The following RSF1 variants were observed in gnomAD, a reference collection of about 807,000 sequenced individuals.
The protein encoded by RSF1 is remodeling and spacing factor 1, also known as HBV pX-associated protein 8.
In RSF1, 13 loss-of-function variants were observed where a neutral mutation model predicts 145.2. The observed-to-expected ratio is 0.09, with a 90% CI of 0.06 to 0.14. RSF1 has a LOEUF of 0.14. RSF1 is among the 10% of genes least tolerant of loss of function. RSF1 has a pLI of 1.00. For synonymous variants in RSF1, 577 were observed against 592.6 expected (o/e 0.97, Z 0.38); for missense variants, 1,517 against 1,718.2 (o/e 0.88, Z 2.07).
intron 1 of RSF1, among the ~76,000 whole-genome samples, chr11:77,794,935 T>C (rs1012846540): frequency 3.3e-5 from 5 of 152,192 alleles, no homozygotes; most frequent in Non-Finnish European, 5.9e-5. Context: ...GCAGATGATA[T>C]GACCCTGTAA....
chr11:77,780,369 T>C (rs979801679), intron 1 of RSF1, among the ~76,000 whole-genome samples: 1 of 152,140 alleles, frequency 6.6e-6, no homozygotes, highest in Non-Finnish European at 1.5e-5. Context: ...AAATAAAATA[T>C]CTGTCTTCAG....
intron 2 of RSF1, chr11:77,761,932 T>G (rs1180497724): frequency 6.7e-6 from 1 of 150,106 alleles, no homozygotes; most frequent in Admixed American, 6.7e-5. Context: ...CTCAGCTAGC[T>G]GAAGCAATAC....
the RSF1 span, among the ~76,000 whole-genome samples, chr11:77,852,741 A>T: frequency 0.75 from 114,149 of 152,108 alleles, 43,644 homozygotes; most frequent in African/African-American, 0.9. Flanking sequence ...CAAATACAAA[A>T]ATACATATAT....
At chr11:77,686,563 T>C (rs1366061818) in intron 9 of RSF1, among the ~76,000 whole-genome samples, 1 of 152,152 alleles carries the variant, frequency 6.6e-6, no homozygotes, top group Admixed American at 6.5e-5. Flanking sequence ...ATGTTCCTTA[T>C]ATAAGGATAT....
chr11:77,844,183 T>C, the RSF1 span, among the ~76,000 whole-genome samples: 2 of 152,216 alleles, frequency 1.3e-5, no homozygotes, highest in African/African-American at 4.8e-5. Context: ...AGCTAGCTTT[T>C]GGGCTTCTTA....
chr11:77,665,660 G>T lies in RSF1; in HGVS notation c.*1257C>A, dbSNP rs1414792109. On this transcript the variant is annotated 3_prime_UTR_variant, in exon 16 of 16. Coordinates refer to ENST00000308488, the MANE Select transcript of RSF1 (RefSeq NM_016578.4). ...GTTCTCATTCAACTCTATGTTGGTT[G>T]TATGACTATTAATGAATTTTAATAG... is the stretch of plus-strand genomic sequence containing the variant. 6.6e-6 allele frequency: 1 copy of T among 152,108 alleles called. No homozygotes were observed. Among genetic ancestry groups the T allele is most frequent in the Non-Finnish European group, 1.5e-5 (1 of 68,018 alleles). The allele number at this position is 152,108 out of a possible 1,614,324, so 9.4% of individuals were successfully genotyped here.
intron 14 of RSF1, among the ~76,000 whole-genome samples, chr11:77,674,685 C>CT (rs1374878941): frequency 1.3e-5 from 2 of 152,218 alleles, no homozygotes; most frequent in African/African-American, 4.8e-5. Context: ...TTTAAGAACT[C>CT]TTAACTCCAG....
chr11:77,705,358 G>A (rs1290430636), intron 5 of RSF1, among the ~76,000 whole-genome samples: 1 of 152,216 alleles, frequency 6.6e-6, no homozygotes, highest in Non-Finnish European at 1.5e-5. Flanking sequence ...TGACTCAAGA[G>A]AAGTGGTAGC....
chr11:77,827,634 T>C, the RSF1 span, among the ~76,000 whole-genome samples: 1 of 152,216 alleles, frequency 6.6e-6, no homozygotes, highest in Non-Finnish European at 1.5e-5. Flanking sequence ...TTCAGCCTGA[T>C]TAAGAGCATT....
At chr11:77,733,242 C>T (rs1014197132) in intron 4 of RSF1, among the ~76,000 whole-genome samples, 1 of 152,054 alleles carries the variant, frequency 6.6e-6, no homozygotes, top group Non-Finnish European at 1.5e-5. Flanking sequence ...AAGCCATTTT[C>T]GTTTTACTAA....
intron 1 of RSF1, among the ~76,000 whole-genome samples, chr11:77,791,936 C>T (rs911461843): frequency 6.6e-5 from 10 of 152,204 alleles, no homozygotes; most frequent in Non-Finnish European, 8.8e-5. Context: ...GTTCCAAAGT[C>T]GTTTCCACAT....
intron 10 of RSF1, among the ~76,000 whole-genome samples, chr11:77,684,632 G>C (rs1485432668): frequency 6.6e-6 from 1 of 152,118 alleles, no homozygotes; most frequent in East Asian, 1.9e-4. Context: ...TCAATCATGA[G>C]GGATTATGGG....
upstream of RSF1, among the ~76,000 whole-genome samples, chr11:77,825,257 C>T (rs1432423074): frequency 6.6e-6 from 1 of 151,952 alleles, no homozygotes; most frequent in Non-Finnish European, 1.5e-5. Flanking sequence ...GCTGGGATTA[C>T]AGGCATGAGC....
the RSF1 span, among the ~76,000 whole-genome samples, chr11:77,848,577 C>T: frequency 4.6e-5 from 7 of 152,156 alleles, no homozygotes; most frequent in African/African-American, 1.7e-4. Context: ...CCAGGTTGGT[C>T]TCGAACGCCT....
rs138237792 is a variant in RSF1, at chr11:77,667,361, T to C, written c.3882A>G (p.Lys1294=). ...ADEEEEEEEG[K]PSRKRLHRIE... ...TCCGGTGTAGCCGTTTGCGGGATGGTTTGCCTTCCTCTTCCTCCTCCTCCT... is the reference window on the plus strand; with the variant it reads ...TCCGGTGTAGCCGTTTGCGGGATGGCTTGCCTTCCTCTTCCTCCTCCTCCT... Residue 1294 remains lysine, a synonymous_variant, in exon 16 of 16, where the codon AAA becomes AAG. Transcript: ENST00000308488. 370 of 1,613,826 alleles carry C rather than the reference T, an allele frequency of 2.3e-4. 1 individual carries two copies. Among genetic ancestry groups the C allele is most frequent in the South Asian group, 1.2e-4 (11 of 91,076 alleles).
At chr11:77,842,444 A>G in the RSF1 span, 3 of 1,592,670 alleles carry the variant, frequency 1.9e-6, no homozygotes, top group Admixed American at 3.5e-5. Context: ...GCCTTACTTT[A>G]TAACTGATTT....
chr11:77,674,947 C>A (rs1043978589), intron 14 of RSF1, 89 bp downstream of exon 14: 14 of 1,032,552 alleles, frequency 1.4e-5, no homozygotes, highest in Non-Finnish European at 2.8e-6. Flanking sequence ...TGCAGTGAGC[C>A]GAGATGGTGC....
chr11:77,805,978 T>C (rs1948673158), intron 1 of RSF1, among the ~76,000 whole-genome samples: 1 of 152,212 alleles, frequency 6.6e-6, no homozygotes, highest in Admixed American at 6.5e-5. Flanking sequence ...TAAGTCCTTA[T>C]CTATTCTACC....
intron 5 of RSF1, among the ~76,000 whole-genome samples, chr11:77,720,445 T>C (rs2135880269): frequency 6.6e-6 from 1 of 152,292 alleles, no homozygotes; most frequent in East Asian, 1.9e-4. Flanking sequence ...CATGGTGTTT[T>C]ATATGCACGA....
Sources: allele counts gnomAD v4.1 joint callset (sites outside exome capture counted in the v4.1 genomes callset), GRCh38; gene constraint gnomAD v4.1.1; transcripts MANE v1.5; gene names NCBI Gene and HGNC (gene_info 2026-07-23, HGNC 2026-07-21).